Variants in CFH observed in about 807,000 individuals in gnomAD.
The protein encoded by CFH is complement factor H, also known as H factor 1 (complement).
CFH carries 53 observed loss-of-function variants against 147.3 expected under a neutral mutation model. That is an observed-to-expected ratio of 0.36 (90% confidence interval 0.29 to 0.45). The LOEUF is 0.45. Among genes scored for constraint, CFH ranks in the 20% least tolerant of loss-of-function variants. CFH has a pLI of 1.00. For missense variants in CFH, 1,380 were observed against 1,498.0 expected (o/e 0.92, Z 1.30); for synonymous variants, 536 against 489.4 (o/e 1.10, Z -1.26).
At chr1:196,669,186 A>C (rs58029172) in intron 1 of CFH, among the ~76,000 whole-genome samples, 6,789 of 152,192 alleles carry the variant, frequency 0.045, 520 homozygotes, top group African/African-American at 0.15. Flanking sequence ...AACTTTGAGA[A>C]AGTTGGTCTG....
At chr1:196,726,246 A>G (rs893481546) in intron 12 of CFH, among the ~76,000 whole-genome samples, 2 of 152,192 alleles carry the variant, frequency 1.3e-5, no homozygotes, top group African/African-American at 4.8e-5. Context: ...CATCTTTAAG[A>G]TATCTAGAAG....
chr1:196,728,113 A>C (rs1316141716), intron 14 of CFH, among the ~76,000 whole-genome samples: 1 of 152,064 alleles, frequency 6.6e-6, no homozygotes, highest in East Asian at 1.9e-4. Flanking sequence ...CCCAAAGAAT[A>C]AAATGTCTTC....
chr1:196,740,833 C>T, intron 18 of CFH, 41 bp downstream of exon 18: 2 of 1,580,738 alleles, frequency 1.3e-6, no homozygotes, highest in Non-Finnish European at 1.7e-6. Context: ...GATAAATATT[C>T]TTCATTCAAA....
At chr1:196,667,171 C>G (rs75150034) in intron 1 of CFH, among the ~76,000 whole-genome samples, 3,399 of 152,202 alleles carry the variant, frequency 0.022, 126 homozygotes, top group African/African-American at 0.077. Flanking sequence ...TGCAAAGAGG[C>G]ATGCTGGTAA....
intron 4 of CFH, among the ~76,000 whole-genome samples, chr1:196,676,702 G>A (rs866674534): frequency 2.6e-5 from 4 of 152,080 alleles, no homozygotes; most frequent in Non-Finnish European, 1.5e-5. Flanking sequence ...CAAGTGGAGA[G>A]AGATACAGAA....
chr1:196,686,888 A>T (rs1573023846), intron 7 of CFH, among the ~76,000 whole-genome samples: 1 of 152,124 alleles, frequency 6.6e-6, no homozygotes, highest in East Asian at 1.9e-4. Flanking sequence ...TTAAATAACC[A>T]TATCTAATTA....
intron 1 of CFH, among the ~76,000 whole-genome samples, chr1:196,666,579 C>G (rs1289101622): frequency 6.6e-6 from 1 of 151,342 alleles, no homozygotes; most frequent in Non-Finnish European, 1.5e-5. Flanking sequence ...TTTTGGGAGG[C>G]CGAGGTCAGG....
At chr1:196,700,835 G>A (rs1668430274) in intron 9 of CFH, 5 of 985,246 alleles carry the variant, frequency 5.1e-6, no homozygotes, top group Non-Finnish European at 6.0e-6. Context: ...GGGCAGTGCT[G>A]ACTTTCAGCA....
intron 9 of CFH, among the ~76,000 whole-genome samples, chr1:196,700,653 CAAA>C (rs550520235): frequency 3.1e-5 from 3 of 96,444 alleles, no homozygotes; most frequent in East Asian, 3.2e-4. Context: ...GATTCCGTCT[CAAA>C]AAAAAAAAAA....
At chr1:196,715,172 T>C (rs1233341427) in intron 10 of CFH, among the ~76,000 whole-genome samples, 2 of 151,984 alleles carry the variant, frequency 1.3e-5, no homozygotes, top group African/African-American at 4.8e-5. Context: ...TTGTATAACA[T>C]AGGAATTTAT....
chr1:196,690,439 C>A (rs1223835612), intron 9 of CFH, 200 bp downstream of exon 9: 6 of 719,376 alleles, frequency 8.3e-6, no homozygotes, highest in Admixed American at 4.4e-5. Context: ...AAAATAAATT[C>A]TCCTATTAAT....
At position 196,745,929 on chromosome 1, in the gene CFH, G is replaced by T; in HGVS notation, c.3423G>T (p.Leu1141Phe). The T allele has an allele frequency of 6.2e-7, 1 of 1,614,080 alleles. No individual in the cohort carries two copies. Among genetic ancestry groups the T allele is most frequent in the East Asian group, 2.2e-5 (1 of 44,866 alleles). Reference sequence around the variant, plus strand: ...CAGTTGAGTACCAATGCCAGAACTTGTATCAACTTGAGGGTAACAAGCGAA... The same window carrying T: ...CAGTTGAGTACCAATGCCAGAACTTTTATCAACTTGAGGGTAACAAGCGAA... ...ASSVEYQCQN[L>F]YQLEGNKRIT... The change falls in exon 21 of 22, where the codon TTG becomes TTT. Residue 1141 changes from leucine (L) to phenylalanine (F), a missense_variant. Leu to Phe is a conservative substitution (Grantham distance 22). This residue lies in a region of CFH where 123 missense variants were observed against 185.3 expected (regional missense o/e 0.66). Transcript: ENST00000367429.
rs549213437 is a variant in CFH at position 196,658,407 on chromosome 1, A to ATTTTTTTTT, written c.58+6246_58+6254dup. 5.0e-4 allele frequency among the ~76,000 whole-genome samples: 46 copies of ATTTTTTTTT among 92,250 alleles called. 5 individuals are homozygous for ATTTTTTTTT. Among genetic ancestry groups the ATTTTTTTTT allele is most frequent in the African/African-American group, 2.1e-3 (40 of 19,102 alleles). The allele number at this position is 92,250 out of a possible 152,430, so 60.5% of individuals were successfully genotyped here. A position where few individuals can be genotyped will look rare whatever the true frequency, so the allele number is the denominator to read the frequency against. On this transcript the variant is annotated intron_variant, in intron 1 of 21. Coordinates refer to ENST00000367429, the MANE Select transcript of CFH (RefSeq NM_000186.4). ...GGATTACAGCCACCTTGCTCAGGTA[A>ATTTTTTTTT]TTTTTTTTTTTTTTTTTTTTTTGAG...
At chr1:196,659,474 T>G (rs1666832093) in intron 1 of CFH, among the ~76,000 whole-genome samples, 1 of 152,170 alleles carries the variant, frequency 6.6e-6, no homozygotes, top group South Asian at 2.1e-4. Context: ...GAAGTGGCAG[T>G]GTATAGCAGC....
chr1:196,652,863 C>A (rs1319856357), intron 1 of CFH, among the ~76,000 whole-genome samples: 1 of 151,680 alleles, frequency 6.6e-6, no homozygotes, highest in East Asian at 1.9e-4. Context: ...CTCAGTAAGA[C>A]AATTTCTGGA....
chr1:196,712,689 A>G lies in CFH; in HGVS notation c.1337-1046A>G, dbSNP rs1314016564. On this transcript the variant is annotated intron_variant, in intron 9 of 21. Coordinates refer to ENST00000367429, the MANE Select transcript of CFH (RefSeq NM_000186.4). ...GTGCAGGTTAGTTACATATGTATAC[A>G]TGTGCCATGCTGGTGTGCTGCACCC... 2.0e-5 allele frequency among the ~76,000 whole-genome samples: 3 copies of G among 151,492 alleles called. No homozygotes were observed. In the South Asian group the frequency reaches 6.3e-4, roughly 32 times the overall value.
chr1:196,684,902 T>C lies in CFH; in HGVS notation c.791-162T>C, dbSNP rs550336236. ...GATGAGAATATAGTGAAGGGAAAAA[T>C]AAGTGATATACCAGAAAGGATACTA... is the stretch of plus-strand genomic sequence containing the variant. On this transcript the variant is annotated intron_variant, in intron 6 of 21. Coordinates refer to ENST00000367429, the MANE Select transcript of CFH (RefSeq NM_000186.4). 7.2e-5 allele frequency among the ~76,000 whole-genome samples: 11 copies of C among 151,964 alleles called. No homozygotes were observed. In the South Asian group the frequency reaches 1.9e-3, roughly 26 times the overall value.
At chr1:196,705,286 A>T (rs1668560236) in intron 9 of CFH, among the ~76,000 whole-genome samples, 1 of 152,100 alleles carries the variant, frequency 6.6e-6, no homozygotes, top group Non-Finnish European at 1.5e-5. Context: ...TTTAGGTTTG[A>T]ATTTTCTCAG....
intron 15 of CFH, among the ~76,000 whole-genome samples, chr1:196,729,712 C>T (rs966841763): frequency 1.3e-5 from 2 of 151,818 alleles, no homozygotes; most frequent in African/African-American, 4.8e-5. Flanking sequence ...ATGAAGCCAT[C>T]AGGTCTTGGA....
Sources: gnomAD v4.1 joint callset for allele counts (sites outside exome capture counted in the v4.1 genomes callset) on GRCh38, gnomAD v4.1.1 for gene constraint, gnomAD v4.1.1 regional missense constraint, MANE v1.5 for transcripts, NCBI Gene and HGNC (gene_info 2026-07-23, HGNC 2026-07-21) for gene names.